SLC35D4: variants seen among roughly 807,000 people sequenced by gnomAD.
SLC35D4 encodes the protein UDP-N-acetylglucosamine transporter SLC35D4.
At chr18:23,249,270 G>A in the SLC35D4 span, among the ~76,000 whole-genome samples, 1 of 152,238 alleles carries the variant, frequency 6.6e-6, no homozygotes, top group African/African-American at 2.4e-5. Flanking sequence ...AGCCTCCGTA[G>A]CACAACAGGG....
chr18:23,435,589 C>G, the SLC35D4 span, among the ~76,000 whole-genome samples: 1 of 152,382 alleles, frequency 6.6e-6, no homozygotes, highest in Admixed American at 6.5e-5. Flanking sequence ...TTACTAATTA[C>G]TGTCACAGTA....
chr18:23,408,925 A>G, the SLC35D4 span, among the ~76,000 whole-genome samples: 1 of 151,528 alleles, frequency 6.6e-6, no homozygotes, highest in Non-Finnish European at 1.5e-5. Context: ...ACCTGAGGTC[A>G]GGAGTTCCAG....
chr18:23,357,661 T>A, the SLC35D4 span, among the ~76,000 whole-genome samples: 2 of 152,320 alleles, frequency 1.3e-5, no homozygotes, highest in African/African-American at 4.8e-5. Context: ...ACCACTACGC[T>A]ATTAATCAAG....
At chr18:23,313,126 CAAAAAAAAAAAAAAAAAAA>C in the SLC35D4 span, among the ~76,000 whole-genome samples, 9 of 29,472 alleles carry the variant, frequency 3.1e-4, 1 homozygote, top group African/African-American at 1.1e-4. Flanking sequence ...GACTACATCT[CAAAAAAAAAAAAAAAAAAA>C]AAAAAAAAAA....
At chr18:23,430,186 T>C in the SLC35D4 span, among the ~76,000 whole-genome samples, 1 of 152,166 alleles carries the variant, frequency 6.6e-6, no homozygotes, top group African/African-American at 2.4e-5. Flanking sequence ...TTTTTGTATA[T>C]GGTGAGACAA....
At chr18:23,302,834 T>C in the SLC35D4 span, among the ~76,000 whole-genome samples, 1 of 152,352 alleles carries the variant, frequency 6.6e-6, no homozygotes, top group South Asian at 2.1e-4. Context: ...GCAGCCTCTA[T>C]TCATTCCAGC....
At chr18:23,249,504 C>T in the SLC35D4 span, among the ~76,000 whole-genome samples, 1 of 152,206 alleles carries the variant, frequency 6.6e-6, no homozygotes, top group Non-Finnish European at 1.5e-5. Flanking sequence ...GAGGCCCCAC[C>T]CTCAGAGACT....
At chr18:23,358,500 G>A in the SLC35D4 span, among the ~76,000 whole-genome samples, 20 of 152,062 alleles carry the variant, frequency 1.3e-4, no homozygotes, top group South Asian at 3.5e-3. Context: ...CCCAAATCCT[G>A]AAAACTGACC....
the SLC35D4 span, among the ~76,000 whole-genome samples, chr18:23,433,925 C>A: frequency 1.3e-5 from 2 of 152,062 alleles, no homozygotes; most frequent in African/African-American, 4.8e-5. Flanking sequence ...ATTACATGCT[C>A]TCTGCCACAT....
chr18:23,405,004 A>C, the SLC35D4 span, among the ~76,000 whole-genome samples: 2 of 148,986 alleles, frequency 1.3e-5, no homozygotes, highest in Non-Finnish European at 3.0e-5. Context: ...AAAAAAAAAA[A>C]AAAAAAAAAA....
chr18:23,261,152 T>G, the SLC35D4 span, among the ~76,000 whole-genome samples: 1 of 152,134 alleles, frequency 6.6e-6, no homozygotes, highest in Admixed American at 6.5e-5. Context: ...AGATGACACA[T>G]CATCTATACA....
At chr18:23,378,174 A>G in the SLC35D4 span, among the ~76,000 whole-genome samples, 1 of 150,316 alleles carries the variant, frequency 6.7e-6, no homozygotes, top group East Asian at 1.9e-4. Context: ...ATGAGCCACC[A>G]TGTATGGCTA....
chr18:23,299,338 C>T, the SLC35D4 span, among the ~76,000 whole-genome samples: 1 of 152,314 alleles, frequency 6.6e-6, no homozygotes, highest in Non-Finnish European at 1.5e-5. Flanking sequence ...CGACTGCCCT[C>T]TGAGAGTAGC....
chr18:23,390,158 G>T, the SLC35D4 span, among the ~76,000 whole-genome samples: 1 of 152,084 alleles, frequency 6.6e-6, no homozygotes, highest in Admixed American at 6.6e-5. Flanking sequence ...CCATTATACG[G>T]TCAAGAAAAC....
chr18:23,368,504 C>T, the SLC35D4 span, among the ~76,000 whole-genome samples: 1 of 152,138 alleles, frequency 6.6e-6, no homozygotes, highest in Non-Finnish European at 1.5e-5. Flanking sequence ...GGGATGTGGC[C>T]CTCTGAAGTT....
the SLC35D4 span, among the ~76,000 whole-genome samples, chr18:23,422,821 C>A: frequency 7.9e-5 from 12 of 152,244 alleles, no homozygotes; most frequent in South Asian, 4.1e-4. Flanking sequence ...CCCTCCCCCC[C>A]CCAATGCAGA....
At chr18:23,430,960 C>G in the SLC35D4 span, among the ~76,000 whole-genome samples, 1 of 151,792 alleles carries the variant, frequency 6.6e-6, no homozygotes, top group Non-Finnish European at 1.5e-5. Context: ...TCGAGACCAG[C>G]CTGGCCAATA....
At chr18:23,246,455 G>T in the SLC35D4 span, among the ~76,000 whole-genome samples, 2 of 151,916 alleles carry the variant, frequency 1.3e-5, no homozygotes, top group South Asian at 4.2e-4. Context: ...GCAGTGGCAA[G>T]ATCTTGGCTC....
At chr18:23,239,920 C>T in the SLC35D4 span, among the ~76,000 whole-genome samples, 5 of 152,246 alleles carry the variant, frequency 3.3e-5, no homozygotes, top group African/African-American at 1.2e-4. Flanking sequence ...GAGTTTGGGA[C>T]CAGCCTGGCC....
Sources: gnomAD v4.1 joint callset for allele counts (sites outside exome capture counted in the v4.1 genomes callset) on GRCh38, gnomAD v4.1.1 for gene constraint, MANE v1.5 for transcripts, NCBI Gene and HGNC (gene_info 2026-07-23, HGNC 2026-07-21) for gene names.